Variants in SNX29 observed in about 807,000 individuals in gnomAD.
SNX29 encodes the protein sorting nexin 29.
Under a neutral mutation model 102.1 loss-of-function variants are expected in SNX29, and 78 were observed. The observed-to-expected ratio is 0.76, with a 90% CI of 0.64 to 0.92. The LOEUF (loss-of-function observed/expected upper bound fraction) is 0.92, where lower values mean the gene tolerates loss of function less well. SNX29 is among the 40% of genes least tolerant of loss of function. The probability of loss-of-function intolerance (pLI) is 0.00; values close to 1 mark genes in which losing one functional copy is unlikely to be tolerated. For missense variants in SNX29, 1,280 were observed against 1,061.7 expected, an observed-to-expected ratio of 1.21 and a Z score of -2.86; for synonymous variants, 580 against 414.5, an observed-to-expected ratio of 1.40 and a Z score of -4.85.
intron 14 of SNX29, among the ~76,000 whole-genome samples, chr16:12,259,396 C>G (rs1443546096): frequency 6.6e-6 from 1 of 152,194 alleles, no homozygotes; most frequent in Non-Finnish European, 1.5e-5. Flanking sequence ...AGGTGTCCTC[C>G]TCCTCTCTGC....
At chr16:12,182,867 G>A (rs2076420045) in intron 13 of SNX29, among the ~76,000 whole-genome samples, 1 of 148,756 alleles carries the variant, frequency 6.7e-6, no homozygotes, top group South Asian at 2.1e-4. Context: ...CTGGGAGGCG[G>A]AGGTTGCAGT....
intron 19 of SNX29, among the ~76,000 whole-genome samples, chr16:12,493,514 G>A (rs1349102844): frequency 6.6e-6 from 1 of 152,126 alleles, no homozygotes; most frequent in Non-Finnish European, 1.5e-5. Context: ...TTTCCTAATT[G>A]AATACCCTTT....
At chr16:12,230,991 T>C (rs1396918858) in intron 14 of SNX29, among the ~76,000 whole-genome samples, 2 of 152,004 alleles carry the variant, frequency 1.3e-5, no homozygotes, top group African/African-American at 4.8e-5. Flanking sequence ...GGACTATCTG[T>C]AGGCATGTAC....
At chr16:12,287,635 A>G (rs1272569431) in intron 15 of SNX29, among the ~76,000 whole-genome samples, 3 of 152,370 alleles carry the variant, frequency 2.0e-5, no homozygotes, top group African/African-American at 7.2e-5. Flanking sequence ...ACTCTGTAGT[A>G]TCATTATCAC....
chr16:12,572,499 G>T lies in SNX29; in HGVS notation c.*3870G>T, dbSNP rs72775264. The T allele has an allele frequency of 3.8e-6, 4 of 1,063,672 alleles. No individual in the cohort carries two copies. The African/African-American group carries it at 4.9e-5, about 13-fold the overall frequency. The allele number at this position is 1,063,672 out of a possible 1,614,324, so 65.9% of individuals were successfully genotyped here. On this transcript the variant is annotated 3_prime_UTR_variant, in exon 21 of 21. Transcript: ENST00000566228. ...ACCAGTTCTTGGGGTTCCAGGCCTC[G>T]GCCTTCCTGCTCCACGTGCTCAAGC...
At chr16:12,313,241 C>T (rs1009385554) in intron 15 of SNX29, among the ~76,000 whole-genome samples, 2 of 152,020 alleles carry the variant, frequency 1.3e-5, no homozygotes, top group Non-Finnish European at 2.9e-5. Context: ...CTTGAACTCC[C>T]AACCTTAGAT....
rs879739284 is a variant in SNX29, at chr16:12,537,434, C to T, written c.2318+12593C>T. 2.6e-5 allele frequency among the ~76,000 whole-genome samples: 4 copies of T among 152,336 alleles called. 1 individual carries two copies. Among genetic ancestry groups the T allele is most frequent in the Middle Eastern group, 6.8e-3 (2 of 294 alleles). ...CTCAAATTCCAGCTCAACTACATAG[C>T]AGCCTTGTGAACTTCACCTCTGCCT... On this transcript the variant is annotated intron_variant, in intron 20 of 20. Transcript: ENST00000566228.
At chr16:12,126,726 C>T (rs779861055) in intron 12 of SNX29, 30 bp downstream of exon 12, 1 of 1,611,720 alleles carries the variant, frequency 6.2e-7, no homozygotes, top group East Asian at 2.2e-5. Flanking sequence ...TGAGGAATAG[C>T]CTCTTTCTTT....
intron 18 of SNX29, among the ~76,000 whole-genome samples, chr16:12,467,958 C>T (rs891729628): frequency 1.3e-5 from 2 of 152,146 alleles, no homozygotes; most frequent in African/African-American, 2.4e-5. Context: ...CCAGCTCCGG[C>T]TCTGTGGCTC....
intron 9 of SNX29, among the ~76,000 whole-genome samples, chr16:12,063,207 C>G (rs1408346164): frequency 6.6e-6 from 1 of 151,894 alleles, no homozygotes; most frequent in Non-Finnish European, 1.5e-5. Context: ...TGCCAAGGCC[C>G]CTGGTGAGAG....
chr16:12,305,598 T>C (rs1444555515), intron 15 of SNX29, among the ~76,000 whole-genome samples: 5 of 152,204 alleles, frequency 3.3e-5, no homozygotes, highest in Admixed American at 6.5e-5. Flanking sequence ...ATAGATTTAT[T>C]TTTTTGGCAT....
At chr16:12,533,585 T>C (rs573845062) in intron 20 of SNX29, among the ~76,000 whole-genome samples, 33 of 152,136 alleles carry the variant, frequency 2.2e-4, no homozygotes, top group Non-Finnish European at 3.7e-4. Flanking sequence ...ACCAGGTATA[T>C]TATTTGGAGG....
At chr16:12,301,843 C>A (rs1214776718) in intron 15 of SNX29, among the ~76,000 whole-genome samples, 1 of 152,200 alleles carries the variant, frequency 6.6e-6, no homozygotes, top group African/African-American at 2.4e-5. Context: ...TTTAATCCTT[C>A]TCAGAGTCGA....
intron 18 of SNX29, among the ~76,000 whole-genome samples, chr16:12,436,531 C>T (rs765646117): frequency 5.9e-5 from 9 of 152,262 alleles, no homozygotes; most frequent in African/African-American, 9.6e-5. Context: ...ACTGCTCAGG[C>T]GCAGCCTGGC....
intron 6 of SNX29, 61 bp from the exon 7 acceptor site, chr16:12,048,311 C>G: frequency 1.2e-6 from 2 of 1,612,520 alleles, no homozygotes; most frequent in Non-Finnish European, 1.7e-6. Flanking sequence ...GCTGTCTTCT[C>G]TTGTTGCTGG....
rs2078903671 is a variant in SNX29 at position 12,564,428 on chromosome 16, CTCA to C, written c.2319-4076_2319-4074del. ...ATGATGTATGATTGGCACTATTATC[CTCA>C]TTTCACAGATCAGAAAGCTGTGTTT... On this transcript the variant is annotated intron_variant, in intron 20 of 20. Coordinates refer to ENST00000566228, the MANE Select transcript of SNX29 (RefSeq NM_032167.5). 5.3e-5 allele frequency among the ~76,000 whole-genome samples: 8 copies of C among 152,292 alleles called. No individual in the cohort carries two copies. The South Asian group carries it at 1.7e-3, about 32-fold the overall frequency.
chr16:12,478,793 A>G (rs2087774357), intron 19 of SNX29, among the ~76,000 whole-genome samples: 1 of 152,134 alleles, frequency 6.6e-6, no homozygotes, highest in Non-Finnish European at 1.5e-5. Context: ...CTCCATCCCC[A>G]TTCTGATTGA....
intron 20 of SNX29, among the ~76,000 whole-genome samples, chr16:12,559,209 T>A (rs1400934607): frequency 1.3e-5 from 2 of 152,022 alleles, no homozygotes; most frequent in African/African-American, 4.8e-5. Context: ...GAGCAGCGCT[T>A]CGTCTGTATT....
intron 14 of SNX29, among the ~76,000 whole-genome samples, chr16:12,228,170 C>G (rs971282081): frequency 1.3e-5 from 2 of 152,190 alleles, no homozygotes; most frequent in Admixed American, 1.3e-4. Context: ...AACAAGGCCC[C>G]CAGCCGAGCT....
Sources: gnomAD v4.1 joint callset for allele counts (sites outside exome capture counted in the v4.1 genomes callset) on GRCh38, gnomAD v4.1.1 for gene constraint, MANE v1.5 for transcripts, NCBI Gene and HGNC (gene_info 2026-07-23, HGNC 2026-07-21) for gene names.